The following PLAC8 variants were observed in gnomAD, a reference collection of about 807,000 sequenced individuals.
PLAC8 encodes placenta associated 8.
PLAC8 carries 6 observed loss-of-function variants against 12.6 expected under a neutral mutation model. That is an observed-to-expected ratio of 0.48 (90% CI 0.26 to 0.94). The LOEUF (loss-of-function observed/expected upper bound fraction) is 0.94, where lower values mean the gene tolerates loss of function less well. PLAC8 is among the 40% of genes least tolerant of loss of function. The probability of loss-of-function intolerance (pLI) is 0.14; values close to 1 mark genes in which losing one functional copy is unlikely to be tolerated. For missense variants in PLAC8, 122 were observed against 152.7 expected (o/e 0.80, Z 1.06); for synonymous variants, 54 against 52.6 (o/e 1.03, Z -0.11).
chr4:83,110,965 TTTG>T (rs1483267345), intron 1 of PLAC8, among the ~76,000 whole-genome samples: 2 of 152,156 alleles, frequency 1.3e-5, no homozygotes, highest in African/African-American at 4.8e-5. Flanking sequence ...TGATAGACTT[TTTG>T]TTGTTGTTGT....
chr4:83,090,796 A>G lies in PLAC8; in HGVS notation c.*185T>C, dbSNP rs1293401166. ...TGAAAGCAAGGAGAAACTAAGTTGC[A>G]CCATTTAGCTAAGTTCAGGGACAAC... is the stretch of plus-strand genomic sequence containing the variant. On this transcript the variant is annotated 3_prime_UTR_variant, in exon 5 of 5. Coordinates refer to ENST00000311507, the MANE Select transcript of PLAC8 (RefSeq NM_016619.3). The G allele has an allele frequency of 6.6e-6, 1 of 152,120 alleles. No homozygotes were observed. Among genetic ancestry groups the G allele is most frequent in the Non-Finnish European group, 1.5e-5 (1 of 68,024 alleles). 9.4% of individuals were successfully genotyped at this position (152,120 alleles called of 1,614,324 possible).
intron 1 of PLAC8, among the ~76,000 whole-genome samples, chr4:83,110,560 A>G (rs1480391626): frequency 6.6e-6 from 1 of 152,242 alleles, no homozygotes; most frequent in African/African-American, 2.4e-5. Context: ...CCTGGTACAC[A>G]GGAGGAGCTC....
At chr4:83,101,667 G>A (rs191832256) in intron 3 of PLAC8, among the ~76,000 whole-genome samples, 33 of 152,322 alleles carry the variant, frequency 2.2e-4, no homozygotes, top group Admixed American at 3.9e-4. Context: ...GGAGAAGTCC[G>A]TGCCTGTATT....
intron 1 of PLAC8, among the ~76,000 whole-genome samples, chr4:83,112,854 G>A (rs1464856125): frequency 1.3e-5 from 2 of 152,212 alleles, no homozygotes; most frequent in Admixed American, 1.3e-4. Context: ...TTTAGCCTTA[G>A]CCATTCAAGG....
intron 4 of PLAC8, chr4:83,094,144 A>G (rs1731870115): frequency 6.6e-6 from 1 of 152,264 alleles, no homozygotes; most frequent in African/African-American, 2.4e-5. Flanking sequence ...CAGATGGTTA[A>G]TTCTATATAA....
intron 2 of PLAC8, among the ~76,000 whole-genome samples, chr4:83,105,636 T>G (rs1732218378): frequency 6.6e-6 from 1 of 152,188 alleles, no homozygotes; most frequent in African/African-American, 2.4e-5. Context: ...AAACTGTAAG[T>G]GTTAAGAGTG....
At chr4:83,103,899 C>A (rs776279620) in intron 3 of PLAC8, among the ~76,000 whole-genome samples, 3 of 152,096 alleles carry the variant, frequency 2.0e-5, no homozygotes, top group Non-Finnish European at 2.9e-5. Flanking sequence ...AACTCCTGAC[C>A]TCAAGTGATC....
chr4:83,111,202 C>G (rs983248442), intron 1 of PLAC8, among the ~76,000 whole-genome samples: 1 of 152,228 alleles, frequency 6.6e-6, no homozygotes, highest in East Asian at 1.9e-4. Context: ...CTCCTGGCCT[C>G]AAGTGATCTT....
intron 1 of PLAC8, among the ~76,000 whole-genome samples, chr4:83,110,006 G>T (rs1732368767): frequency 6.6e-6 from 1 of 152,112 alleles, no homozygotes; most frequent in African/African-American, 2.4e-5. Flanking sequence ...GCGGCGCGCC[G>T]CTGGGGACTC....
intron 3 of PLAC8, among the ~76,000 whole-genome samples, chr4:83,098,461 G>A (rs1731999425): frequency 1.3e-5 from 2 of 152,070 alleles, no homozygotes; most frequent in South Asian, 4.1e-4. Flanking sequence ...CTTACCTTAT[G>A]GTCAAACTAA....
intron 3 of PLAC8, among the ~76,000 whole-genome samples, chr4:83,104,116 A>C (rs867392653): frequency 4.6e-5 from 7 of 152,240 alleles, no homozygotes; most frequent in Admixed American, 3.3e-4. Flanking sequence ...GATTATTATT[A>C]GTATTTTTTA....
At chr4:83,103,423 GT>G (rs1732157409) in intron 3 of PLAC8, among the ~76,000 whole-genome samples, 1 of 151,710 alleles carries the variant, frequency 6.6e-6, no homozygotes, top group Admixed American at 6.6e-5. Flanking sequence ...AAAGAAAGTG[GT>G]TTCTTGAGAT....
At chr4:83,096,774 T>C (rs1275764978) in intron 3 of PLAC8, among the ~76,000 whole-genome samples, 3 of 152,218 alleles carry the variant, frequency 2.0e-5, no homozygotes, top group Non-Finnish European at 4.4e-5. Flanking sequence ...TGATAGCCAA[T>C]ACTGTAAGAA....
At chr4:83,109,477 C>T (rs950378918) in intron 1 of PLAC8, among the ~76,000 whole-genome samples, 1 of 152,310 alleles carries the variant, frequency 6.6e-6, no homozygotes, top group Non-Finnish European at 1.5e-5. Context: ...ACCAGGGGGT[C>T]CGGCTGAGCC....
rs1319725144 is a variant in PLAC8, at chr4:83,090,495, T to C, written c.*486A>G. 1.7e-5 allele frequency: 2 copies of C among 117,202 alleles called. No individual in the cohort carries two copies. The highest frequency in any genetic ancestry group is 3.2e-5 in the Non-Finnish European group (2 of 61,756). The allele number at this position is 117,202 out of a possible 1,614,324, so 7.3% of individuals were successfully genotyped here. A position where few individuals can be genotyped will look rare whatever the true frequency, so the allele number is the denominator to read the frequency against. ...GTGAGCTGAGATCACGCCACTGCAC[T>C]CCAGCCTGGGCAACAGAGCGAGACT... On this transcript the variant is annotated 3_prime_UTR_variant, in exon 5 of 5. Transcript: ENST00000311507.
At chr4:83,113,079 A>C (rs1213721495) in intron 1 of PLAC8, among the ~76,000 whole-genome samples, 1 of 152,226 alleles carries the variant, frequency 6.6e-6, no homozygotes, top group African/African-American at 2.4e-5. Flanking sequence ...TACAATGTAG[A>C]ATTCTACACA....
At chr4:83,111,825 T>C (rs1732429160) in intron 1 of PLAC8, among the ~76,000 whole-genome samples, 1 of 152,236 alleles carries the variant, frequency 6.6e-6, no homozygotes, top group Admixed American at 6.5e-5. Flanking sequence ...TTAGACTTCA[T>C]AGCAGTTTGA....
At chr4:83,099,881 C>A (rs1732043892) in intron 3 of PLAC8, among the ~76,000 whole-genome samples, 2 of 151,620 alleles carry the variant, frequency 1.3e-5, no homozygotes, top group South Asian at 4.2e-4. Context: ...TGACGCACAC[C>A]CGTACTCCCA....
At chr4:83,101,385 C>G (rs1732098223) in intron 3 of PLAC8, among the ~76,000 whole-genome samples, 1 of 151,970 alleles carries the variant, frequency 6.6e-6, no homozygotes, top group Non-Finnish European at 1.5e-5. Context: ...CATCTCAAAA[C>G]AAAAACAAAA....
Sources: gnomAD v4.1 joint callset for allele counts (sites outside exome capture counted in the v4.1 genomes callset) on GRCh38, gnomAD v4.1.1 for gene constraint, MANE v1.5 for transcripts, NCBI Gene and HGNC (gene_info 2026-07-23, HGNC 2026-07-21) for gene names.